The following ABCB10 variants were observed in gnomAD, a reference collection of about 807,000 sequenced individuals.
ABCB10 encodes ATP-binding cassette sub-family B member 10, mitochondrial.
In ABCB10, 54 loss-of-function variants were observed where a neutral mutation model predicts 65.4. The observed-to-expected ratio is 0.83, with a 90% confidence interval of 0.66 to 1.04. The LOEUF (loss-of-function observed/expected upper bound fraction) is 1.04. Ranked by LOEUF, ABCB10 falls within the 50% of genes least tolerant of loss-of-function variation. The pLI is 0.00. For missense variants in ABCB10, 846 were observed against 976.6 expected (o/e 0.87, Z 1.78); for synonymous variants, 418 against 406.5 (o/e 1.03, Z -0.34).
chr1:229,526,334 C>A (rs1662444390), intron 9 of ABCB10, among the ~76,000 whole-genome samples: 1 of 152,216 alleles, frequency 6.6e-6, no homozygotes, highest in South Asian at 2.1e-4. Flanking sequence ...AGTCCCCTGC[C>A]TTAGGAATCA....
chr1:229,544,583 T>A (rs1662926214), intron 3 of ABCB10, among the ~76,000 whole-genome samples: 1 of 152,154 alleles, frequency 6.6e-6, no homozygotes, highest in Admixed American at 6.6e-5. Context: ...AGAAACAAAG[T>A]CACATTTCTG....
At chr1:229,531,580 T>C (rs1361556347) in intron 7 of ABCB10, 56 bp downstream of exon 7, 1 of 1,534,980 alleles carries the variant, frequency 6.5e-7, no homozygotes, top group African/African-American at 1.4e-5. Flanking sequence ...AGAGCTGGTC[T>C]CATTGTTCAA....
chr1:229,517,756 A>G lies in ABCB10; in HGVS notation c.*423T>C, dbSNP rs1015051069. On this transcript the variant is annotated 3_prime_UTR_variant, in exon 13 of 13. Coordinates refer to ENST00000344517, the MANE Select transcript of ABCB10 (RefSeq NM_012089.3). ...TATCTGTAAAATTAGACTTAAAAGT[A>G]GGTAGAATACTACCAGAAGAATTAC... The G allele has an allele frequency of 6.3e-6, 1 of 158,516 alleles. No homozygotes were observed. The highest frequency in any genetic ancestry group is 6.3e-5 in the Admixed American group (1 of 15,804). 9.8% of individuals were successfully genotyped at this position (158,516 alleles called of 1,614,324 possible).
chr1:229,539,368 T>C (rs1571969626), intron 6 of ABCB10, 88 bp downstream of exon 6: 2 of 1,520,844 alleles, frequency 1.3e-6, no homozygotes, highest in East Asian at 4.5e-5. Flanking sequence ...GGAAGTTAAT[T>C]GAAGTAATGT....
rs191794334 is a variant in ABCB10, at chr1:229,552,601, T to C, written c.518-3167A>G. On this transcript the variant is annotated intron_variant, in intron 1 of 12. Transcript: ENST00000344517. ...GCTGGATAGAAGAGGTTGGGGGTGG[T>C]TGGAGGAAGCTGTACACTGTGCCTA... 1.6e-4 allele frequency among the ~76,000 whole-genome samples: 24 copies of C among 152,260 alleles called. No individual in the cohort carries two copies. In the East Asian group the frequency reaches 4.4e-3, roughly 28 times the overall value.
At chr1:229,523,376 T>C (rs759240684) in intron 10 of ABCB10, among the ~76,000 whole-genome samples, 6 of 152,224 alleles carry the variant, frequency 3.9e-5, no homozygotes, top group Non-Finnish European at 5.9e-5. Context: ...AAACATTCCT[T>C]TTTGATTTTA....
chr1:229,531,959 T>TG (rs965823733), intron 6 of ABCB10: 4 of 380,264 alleles, frequency 1.1e-5, no homozygotes, highest in African/African-American at 4.5e-5. Flanking sequence ...TTTTTTTTTT[T>TG]TTTTTTTTTT....
At chr1:229,537,051 C>T (rs547186083) in intron 6 of ABCB10, among the ~76,000 whole-genome samples, 2 of 151,970 alleles carry the variant, frequency 1.3e-5, no homozygotes, top group African/African-American at 4.8e-5. Context: ...CACAGGAGGA[C>T]ATATATTGTA....
chr1:229,519,366 T>A (rs1373221743), intron 11 of ABCB10, among the ~76,000 whole-genome samples: 1 of 152,224 alleles, frequency 6.6e-6, no homozygotes, highest in Admixed American at 6.5e-5. Context: ...TTTTAAATGA[T>A]CATCAGAGTA....
intron 8 of ABCB10, among the ~76,000 whole-genome samples, chr1:229,529,667 C>CA (rs969766089): frequency 0.25 from 5,661 of 23,034 alleles, 907 homozygotes; most frequent in Non-Finnish European, 0.29. Context: ...AAGACTGTCT[C>CA]AAAAAAAAAA....
chr1:229,530,116 T>A (rs1025034408), intron 8 of ABCB10, 83 bp downstream of exon 8: 1 of 1,328,420 alleles, frequency 7.5e-7, no homozygotes, highest in Middle Eastern at 2.6e-4. Flanking sequence ...GGTATTTGCA[T>A]GGTTTGAGCA....
Position 229,526,135 on chromosome 1 carries a change from A to G in ABCB10, c.1726-19T>C. 6.3e-7 allele frequency: 1 copy of G among 1,599,526 alleles called. No homozygotes were observed. The highest frequency in any genetic ancestry group is 1.3e-5 in the African/African-American group (1 of 74,394). ...TGGGTTCCTACAAATTGGAAATAAAACATATCACGAATTTCAAACAGACTT... is the reference window on the plus strand; with the variant it reads ...TGGGTTCCTACAAATTGGAAATAAAGCATATCACGAATTTCAAACAGACTT... On this transcript the variant is annotated intron_variant, in intron 9 of 12. Coordinates refer to ENST00000344517, the MANE Select transcript of ABCB10 (RefSeq NM_012089.3).
chr1:229,546,065 G>A (rs1320449673), intron 3 of ABCB10, among the ~76,000 whole-genome samples: 1 of 151,802 alleles, frequency 6.6e-6, no homozygotes, highest in Admixed American at 6.6e-5. Context: ...CCAGCTACTC[G>A]GGAGGCTGAG....
At chr1:229,531,752 CCA>C (rs1281973111) in intron 6 of ABCB10, 21 bp from the exon 7 acceptor site, 15 of 1,605,264 alleles carry the variant, frequency 9.3e-6, no homozygotes, top group Admixed American at 1.7e-5. Flanking sequence ...GAAGCAGAAT[CCA>C]CACACATGTC....
intron 10 of ABCB10, among the ~76,000 whole-genome samples, chr1:229,523,155 G>A (rs553685536): frequency 6.6e-6 from 1 of 152,314 alleles, no homozygotes; most frequent in African/African-American, 2.4e-5. Flanking sequence ...TACTAAAAGT[G>A]AGGGAACAAA....
intron 6 of ABCB10, among the ~76,000 whole-genome samples, chr1:229,533,999 G>A (rs114704145): frequency 3.9e-4 from 59 of 152,256 alleles, no homozygotes; most frequent in Admixed American, 9.2e-4. Flanking sequence ...CCACAAACTG[G>A]AAGAAAATAT....
At chr1:229,531,502 C>G (rs1571963086) in intron 7 of ABCB10, 134 bp downstream of exon 7, 2 of 870,812 alleles carry the variant, frequency 2.3e-6, no homozygotes, top group African/African-American at 3.4e-5. Context: ...CCTCCTCACC[C>G]GGCCCGCCAT....
At chr1:229,530,626 G>A (rs893656863) in intron 7 of ABCB10, among the ~76,000 whole-genome samples, 2 of 152,096 alleles carry the variant, frequency 1.3e-5, no homozygotes, top group Non-Finnish European at 2.9e-5. Flanking sequence ...ATACGTAGAC[G>A]GTCTTACTTG....
In ABCB10 at chr1:229,551,249, CA is replaced by C. The variant is rs755487490; in HGVS notation, c.518-1816del. Among the ~76,000 whole-genome samples, 4 of 152,096 alleles carry C rather than the reference CA, an allele frequency of 2.6e-5. No individual in the cohort carries two copies. In the East Asian group the frequency reaches 5.8e-4, roughly 22 times the overall value. ...TAAGGTCTTTATAAAGTCCCCTCCC[CA>C]AAAAGGCCTGCTCTGACAGCCTCAC... On this transcript the variant is annotated intron_variant, in intron 1 of 12. Coordinates refer to ENST00000344517, the MANE Select transcript of ABCB10 (RefSeq NM_012089.3).
Sources: allele counts gnomAD v4.1 joint callset (sites outside exome capture counted in the v4.1 genomes callset), GRCh38; gene constraint gnomAD v4.1.1; transcripts MANE v1.5; gene names NCBI Gene and HGNC (gene_info 2026-07-23, HGNC 2026-07-21).